CDH4: variants seen among roughly 807,000 people sequenced by gnomAD.
CDH4 encodes cadherin-4.
In CDH4, 33 loss-of-function variants were observed where a neutral mutation model predicts 86.0. That is an observed-to-expected ratio of 0.38 (90% CI 0.29 to 0.51). The LOEUF (loss-of-function observed/expected upper bound fraction) is 0.51. Among genes scored for constraint, CDH4 ranks in the 20% least tolerant of loss-of-function variants. The pLI is 0.86. For synonymous variants in CDH4, 555 were observed against 549.4 expected, an observed-to-expected ratio of 1.01 and a Z score of -0.14; for missense variants, 1,114 against 1,307.4, an observed-to-expected ratio of 0.85 and a Z score of 2.28.
At chr20:61,755,443 C>T (rs1175099736) in intron 3 of CDH4, among the ~76,000 whole-genome samples, 1 of 139,602 alleles carries the variant, frequency 7.2e-6, no homozygotes, top group Non-Finnish European at 1.5e-5. Flanking sequence ...ACACCACACA[C>T]ACACACCCCG....
At chr20:61,867,593 C>T (rs1983609179) in intron 6 of CDH4, among the ~76,000 whole-genome samples, 1 of 150,220 alleles carries the variant, frequency 6.7e-6, no homozygotes, top group African/African-American at 2.4e-5. Flanking sequence ...TAAAATTGAG[C>T]CCAAGTAAAG....
At chr20:61,779,201 G>C (rs565414843) in intron 4 of CDH4, among the ~76,000 whole-genome samples, 150 of 152,342 alleles carry the variant, frequency 9.8e-4, no homozygotes, top group African/African-American at 3.4e-3. Context: ...ATGTTCCCTT[G>C]AGAGGCTGTC....
chr20:61,620,623 C>T (rs2086769208), intron 2 of CDH4, among the ~76,000 whole-genome samples: 2 of 152,318 alleles, frequency 1.3e-5, no homozygotes, highest in South Asian at 4.2e-4. Context: ...GTGAAAATTG[C>T]TACTTACCAA....
At chr20:61,499,340 C>T (rs1184128898) in intron 2 of CDH4, 12 of 731,472 alleles carry the variant, frequency 1.6e-5, no homozygotes, top group African/African-American at 3.7e-5. Flanking sequence ...GCCTCAGTTT[C>T]GCCACCTAGA....
intron 2 of CDH4, among the ~76,000 whole-genome samples, chr20:61,674,535 G>A (rs2087426030): frequency 6.6e-6 from 1 of 152,116 alleles, no homozygotes; most frequent in Admixed American, 6.5e-5. Context: ...CACCACTTGG[G>A]GCCACCTCCA....
chr20:61,888,446 G>T (rs1322091306), intron 7 of CDH4, among the ~76,000 whole-genome samples: 1 of 152,224 alleles, frequency 6.6e-6, no homozygotes, highest in Admixed American at 6.5e-5. Flanking sequence ...TTCCAGAGGT[G>T]GGCTGGCTGG....
chr20:61,334,916 A>T (rs1216922395), intron 2 of CDH4, among the ~76,000 whole-genome samples: 1 of 152,056 alleles, frequency 6.6e-6, no homozygotes, highest in Non-Finnish European at 1.5e-5. Context: ...TCTGCAGGAA[A>T]CCTTGAGACC....
intron 2 of CDH4, among the ~76,000 whole-genome samples, chr20:61,711,482 C>A (rs1034346326): frequency 6.6e-6 from 1 of 152,222 alleles, no homozygotes. Flanking sequence ...CTGGAGGCCA[C>A]CTGTGTTCCG....
intron 2 of CDH4, among the ~76,000 whole-genome samples, chr20:61,267,333 T>C (rs922836105): frequency 6.6e-6 from 1 of 152,174 alleles, no homozygotes; most frequent in African/African-American, 2.4e-5. Flanking sequence ...GCATCAGGGC[T>C]TCAGGCTTAG....
At chr20:61,613,611 AAG>A (rs2145762860) in intron 2 of CDH4, among the ~76,000 whole-genome samples, 1 of 151,704 alleles carries the variant, frequency 6.6e-6, no homozygotes, top group East Asian at 1.9e-4. Flanking sequence ...AAAAAAAAAA[AAG>A]ATCTAGTGAA....
Position 61,563,131 on chromosome 20 carries a change from G to A in CDH4, c.170-180432G>A, listed in dbSNP as rs1044932974. 4.6e-5 allele frequency among the ~76,000 whole-genome samples: 7 copies of A among 151,724 alleles called. No homozygotes were observed. The South Asian group carries it at 8.4e-4, about 18-fold the overall frequency. ...AGCTCTGCTCTTAGCTCCAGAGTCC[G>A]GAACAACCTCTCTTGACCTGTGAAT... is the stretch of plus-strand genomic sequence containing the variant. On this transcript the variant is annotated intron_variant, in intron 2 of 15. Coordinates refer to ENST00000614565, the MANE Select transcript of CDH4 (RefSeq NM_001794.5).
chr20:61,733,905 C>T (rs943388008), intron 2 of CDH4, among the ~76,000 whole-genome samples: 3 of 152,246 alleles, frequency 2.0e-5, no homozygotes, highest in Admixed American at 1.3e-4. Context: ...GCACCATTCT[C>T]CTGCATGCCC....
intron 2 of CDH4, among the ~76,000 whole-genome samples, chr20:61,284,122 G>A (rs1283415575): frequency 1.3e-5 from 2 of 150,280 alleles, no homozygotes; most frequent in African/African-American, 2.5e-5. Flanking sequence ...TGGCTAACAC[G>A]GTGAAAACCC....
chr20:61,518,507 C>T lies in CDH4; in HGVS notation c.170-225056C>T, dbSNP rs1052771055. On this transcript the variant is annotated intron_variant, in intron 2 of 15. Transcript: ENST00000614565. This position sits in a 1 kb window ranked among gnomAD's most constrained non-coding sequence, Gnocchi z 6.3. ...TTCCATCATTGATTCATCATCCATC[C>T]ATCCGTCCATCTATCATCCATCCAT... 5.3e-5 allele frequency among the ~76,000 whole-genome samples: 8 copies of T among 151,914 alleles called. No homozygotes were observed. In the East Asian group the frequency reaches 1.6e-3, roughly 29 times the overall value.
In CDH4 at chr20:61,910,622, C is replaced by A; in HGVS notation, c.1374+15C>A. On this transcript the variant is annotated intron_variant, in intron 9 of 15. Coordinates refer to ENST00000614565, the MANE Select transcript of CDH4 (RefSeq NM_001794.5). ...CCGTGGTGAAGGTGCGTACTCTTCT[C>A]ACACCCTGCCAGGCACCCCAAGTTC... The A allele has an allele frequency of 6.2e-7, 1 of 1,606,934 alleles. No homozygotes were observed. The highest frequency in any genetic ancestry group is 8.5e-7 in the Non-Finnish European group (1 of 1,174,476).
At chr20:61,539,373 G>A (rs561793529) in intron 2 of CDH4, among the ~76,000 whole-genome samples, 1 of 152,334 alleles carries the variant, frequency 6.6e-6, no homozygotes, top group South Asian at 2.1e-4. Context: ...TCAGGAGCTC[G>A]AAACCCAAGA....
At chr20:61,309,063 A>G (rs2084431887) in intron 2 of CDH4, among the ~76,000 whole-genome samples, 1 of 152,204 alleles carries the variant, frequency 6.6e-6, no homozygotes. Flanking sequence ...GCCCCTTGTT[A>G]AAAAATTACT....
chr20:61,632,970 C>A (rs1019464352), intron 2 of CDH4, among the ~76,000 whole-genome samples: 1 of 151,324 alleles, frequency 6.6e-6, no homozygotes, highest in African/African-American at 2.4e-5. Context: ...AACCATATAC[C>A]CACCCATCCA....
chr20:61,399,057 A>C (rs2145477041), intron 2 of CDH4, among the ~76,000 whole-genome samples: 1 of 152,244 alleles, frequency 6.6e-6, no homozygotes, highest in Non-Finnish European at 1.5e-5. Context: ...ATTTATACTA[A>C]GTCCTTAAAG....
Sources: gnomAD v4.1 joint callset for allele counts (sites outside exome capture counted in the v4.1 genomes callset) on GRCh38, gnomAD v4.1.1 for gene constraint, Gnocchi (gnomAD v3.1) non-coding constraint, MANE v1.5 for transcripts, NCBI Gene and HGNC (gene_info 2026-07-23, HGNC 2026-07-21) for gene names.